Variants in CERS6 observed in about 807,000 individuals in gnomAD.
CERS6 encodes LAG1 homolog, ceramide synthase 6.
In CERS6, 26 loss-of-function variants were observed where a neutral mutation model predicts 56.8. That is an observed-to-expected ratio of 0.46 (90% CI 0.34 to 0.63). The LOEUF (loss-of-function observed/expected upper bound fraction) is 0.63, where lower values mean the gene tolerates loss of function less well. CERS6 is among the 30% of genes least tolerant of loss of function. CERS6 has a pLI of 0.01. For missense variants in CERS6, 415 were observed against 467.5 expected (o/e 0.89, Z 1.04); for synonymous variants, 164 against 173.3 (o/e 0.95, Z 0.42).
At chr2:168,556,771 T>C (rs1695686158) in intron 2 of CERS6, among the ~76,000 whole-genome samples, 1 of 152,006 alleles carries the variant, frequency 6.6e-6, no homozygotes, top group Non-Finnish European at 1.5e-5. Flanking sequence ...GGGAATCTTG[T>C]GAAAAACTAC....
intron 3 of CERS6, among the ~76,000 whole-genome samples, chr2:168,626,803 T>G (rs368777769): frequency 6.6e-6 from 1 of 152,026 alleles, no homozygotes; most frequent in Admixed American, 6.6e-5. Context: ...TTATATGGAG[T>G]CTTTCTGGGA....
chr2:168,733,352 A>G (rs1258385107), intron 8 of CERS6, among the ~76,000 whole-genome samples: 1 of 152,232 alleles, frequency 6.6e-6, no homozygotes, highest in African/African-American at 2.4e-5. Context: ...TATCTTGAGA[A>G]CCTTGAAAAA....
intron 1 of CERS6, among the ~76,000 whole-genome samples, chr2:168,498,021 C>T (rs769987399): frequency 1.2e-4 from 19 of 152,152 alleles, no homozygotes; most frequent in Admixed American, 1.3e-4. Flanking sequence ...ATTTCTCTTC[C>T]TGATAGGCTA....
intron 4 of CERS6, among the ~76,000 whole-genome samples, chr2:168,669,900 A>C (rs1685865570): frequency 6.6e-6 from 1 of 152,226 alleles, no homozygotes. Context: ...ATGATTAGAC[A>C]CACTGGTCAA....
chr2:168,472,956 T>A (rs1694004422), intron 1 of CERS6, among the ~76,000 whole-genome samples: 1 of 152,348 alleles, frequency 6.6e-6, no homozygotes, highest in Non-Finnish European at 1.5e-5. Flanking sequence ...TACTTTGTTT[T>A]GCAAATAATG....
intron 1 of CERS6, among the ~76,000 whole-genome samples, chr2:168,482,958 A>G (rs1465691826): frequency 6.6e-6 from 1 of 152,258 alleles, no homozygotes; most frequent in Non-Finnish European, 1.5e-5. Context: ...TAATGAGTTC[A>G]TGTCTCTTGC....
chr2:168,556,656 C>T (rs1419354476), intron 2 of CERS6, among the ~76,000 whole-genome samples: 3 of 151,942 alleles, frequency 2.0e-5, no homozygotes, highest in Non-Finnish European at 4.4e-5. Flanking sequence ...TTGAGTCTTG[C>T]TATAATCTAG....
At chr2:168,510,070 A>G (rs1386516082) in intron 1 of CERS6, among the ~76,000 whole-genome samples, 2 of 151,582 alleles carry the variant, frequency 1.3e-5, no homozygotes, top group Non-Finnish European at 2.9e-5. Flanking sequence ...TAGGTGCAGT[A>G]CTTGATATTT....
chr2:168,658,364 ATG>A (rs1254334354), intron 4 of CERS6, among the ~76,000 whole-genome samples: 1 of 152,146 alleles, frequency 6.6e-6, no homozygotes, highest in Non-Finnish European at 1.5e-5. Flanking sequence ...TTGCGTTGTT[ATG>A]ATAGAACACA....
chr2:168,552,509 G>T (rs1254509646), intron 2 of CERS6, among the ~76,000 whole-genome samples: 1 of 152,110 alleles, frequency 6.6e-6, no homozygotes, highest in East Asian at 1.9e-4. Flanking sequence ...CCTAGATTGG[G>T]CAGAAACCAA....
chr2:168,689,467 TTTTATTTTTTATTC>T (rs1187139326), intron 4 of CERS6, among the ~76,000 whole-genome samples: 1 of 152,180 alleles, frequency 6.6e-6, no homozygotes, highest in East Asian at 1.9e-4. Context: ...TTTAAATTAT[TTTTATTTTTTATTC>T]TTTATTTTTT....
rs1415228524 is a variant in CERS6, at chr2:168,456,586, C to T, written c.138C>T (p.Phe46=). ...EDLYLAFPLA[F]CIFMVRLIFE... is the part of the protein sequence containing the mutation. Reference sequence around the variant, plus strand: ...TCTATCTCGCTTTTCCCCTGGCCTTCTGTATCTTCATGGTGCGGCTCATCT... The same window carrying T: ...TCTATCTCGCTTTTCCCCTGGCCTTTTGTATCTTCATGGTGCGGCTCATCT... The change falls in exon 1 of 10, where the codon TTC becomes TTT. Residue 46 remains phenylalanine, a synonymous_variant. Coordinates refer to ENST00000305747, the MANE Select transcript of CERS6 (RefSeq NM_203463.3). The surrounding 1 kb of genome is among the most constrained non-coding windows in gnomAD (Gnocchi z 4.1). 1 of 1,613,956 alleles carries T rather than the reference C, an allele frequency of 6.2e-7. No homozygotes were observed. Among genetic ancestry groups the T allele is most frequent in the Admixed American group, 1.7e-5 (1 of 60,012 alleles).
chr2:168,473,364 T>C (rs1694012229), intron 1 of CERS6, among the ~76,000 whole-genome samples: 1 of 152,176 alleles, frequency 6.6e-6, no homozygotes, highest in Non-Finnish European at 1.5e-5. Context: ...ATAATCACTT[T>C]ACTAAGTCCT....
chr2:168,666,709 G>A (rs926982172), intron 4 of CERS6, among the ~76,000 whole-genome samples: 1 of 152,162 alleles, frequency 6.6e-6, no homozygotes, highest in Non-Finnish European at 1.5e-5. Flanking sequence ...TTTATAAAGG[G>A]CCTGCATTGA....
chr2:168,540,697 G>C (rs554993444), intron 1 of CERS6, among the ~76,000 whole-genome samples: 1 of 152,160 alleles, frequency 6.6e-6, no homozygotes, highest in Non-Finnish European at 1.5e-5. Context: ...TTGCACTGTC[G>C]TTGAGCCTTC....
intron 8 of CERS6, among the ~76,000 whole-genome samples, chr2:168,734,439 T>A (rs1683651213): frequency 6.6e-6 from 1 of 152,160 alleles, no homozygotes; most frequent in Non-Finnish European, 1.5e-5. Context: ...CTTGGTATAA[T>A]TTATGCCACT....
intron 1 of CERS6, among the ~76,000 whole-genome samples, chr2:168,480,487 A>G (rs919971731): frequency 6.6e-6 from 1 of 152,242 alleles, no homozygotes; most frequent in South Asian, 2.1e-4. Flanking sequence ...AAACAGACCT[A>G]GAGAGTTAAT....
intron 1 of CERS6, among the ~76,000 whole-genome samples, chr2:168,500,953 G>A (rs1358436913): frequency 6.6e-6 from 1 of 152,186 alleles, no homozygotes; most frequent in African/African-American, 2.4e-5. Context: ...CAATTAAAGC[G>A]ACTATAAAGT....
intron 8 of CERS6, among the ~76,000 whole-genome samples, chr2:168,747,838 AACAC>A (rs35177635): frequency 2.7e-5 from 4 of 149,946 alleles, no homozygotes; most frequent in Admixed American, 6.6e-5. Context: ...CTCACACATA[AACAC>A]ACACACACAC....
Sources: allele counts gnomAD v4.1 joint callset (sites outside exome capture counted in the v4.1 genomes callset), GRCh38; gene constraint gnomAD v4.1.1; non-coding constraint Gnocchi (gnomAD v3.1); transcripts MANE v1.5; gene names NCBI Gene and HGNC (gene_info 2026-07-23, HGNC 2026-07-21).